The following SLC25A26 variants were observed in gnomAD, a reference collection of about 807,000 sequenced individuals.
The protein encoded by SLC25A26 is solute carrier family 25 member 26, also known as mitochondrial S-adenosylmethionine carrier protein.
SLC25A26 carries 36 observed loss-of-function variants against 37.8 expected under a neutral mutation model. The observed-to-expected ratio is 0.95, with a 90% CI of 0.73 to 1.26. SLC25A26 has a LOEUF of 1.26. SLC25A26 is among the 50% of genes most tolerant of loss of function. The pLI is 0.00. For missense variants in SLC25A26, 390 were observed against 331.1 expected (o/e 1.18, Z -1.38); for synonymous variants, 129 against 122.5 (o/e 1.05, Z -0.35).
At position 66,160,223 on chromosome 3, in the gene SLC25A26, C is replaced by A. The variant is rs576762474; in HGVS notation, c.-354+26239C>A. ...CAGGCTGGTCTCGAGCACCTGACCT[C>A]AGGTGATCTGCCTGCCTCAGCATGC... is the stretch of plus-strand genomic sequence containing the variant. On this transcript the variant is annotated intron_variant, in intron 1 of 10. Transcript: ENST00000676754. Among the ~76,000 whole-genome samples, 49 of 152,248 alleles carry A rather than the reference C, an allele frequency of 3.2e-4. 1 individual carries two copies. The South Asian group carries it at 9.5e-3, about 30-fold the overall frequency.
chr3:66,192,174 G>T (rs1231552421), intron 1 of SLC25A26, among the ~76,000 whole-genome samples: 1 of 151,896 alleles, frequency 6.6e-6, no homozygotes, highest in African/African-American at 2.4e-5. Flanking sequence ...AAATTAGCTG[G>T]GTGTGGTGGT....
At chr3:66,376,369 T>C (rs1301668799) in intron 9 of SLC25A26, among the ~76,000 whole-genome samples, 1 of 152,038 alleles carries the variant, frequency 6.6e-6, no homozygotes, top group Non-Finnish European at 1.5e-5. Context: ...AAATCTTTCA[T>C]GAAAAGAAGA....
At chr3:66,164,808 A>G (rs999782235) in intron 1 of SLC25A26, among the ~76,000 whole-genome samples, 1 of 152,178 alleles carries the variant, frequency 6.6e-6, no homozygotes, top group Non-Finnish European at 1.5e-5. Context: ...TAACACCTGC[A>G]CAAAATCAGG....
intron 5 of SLC25A26, among the ~76,000 whole-genome samples, chr3:66,327,059 C>T (rs567306764): frequency 5.3e-5 from 8 of 152,198 alleles, no homozygotes; most frequent in African/African-American, 9.7e-5. Flanking sequence ...GTCATTCACA[C>T]TACCCCCCTA....
intron 5 of SLC25A26, among the ~76,000 whole-genome samples, chr3:66,278,296 T>C (rs2074223723): frequency 6.6e-6 from 1 of 152,184 alleles, no homozygotes; most frequent in South Asian, 2.1e-4. Context: ...ATTTAAAATT[T>C]AATTTCTTTT....
At chr3:66,244,802 C>G (rs550656872) in intron 3 of SLC25A26, among the ~76,000 whole-genome samples, 28 of 151,684 alleles carry the variant, frequency 1.8e-4, no homozygotes, top group Admixed American at 1.4e-3. Flanking sequence ...GAAACCCCGT[C>G]TCTACTGAAA....
At chr3:66,212,403 A>G (rs2071296576) in intron 1 of SLC25A26, among the ~76,000 whole-genome samples, 2 of 152,120 alleles carry the variant, frequency 1.3e-5, no homozygotes, top group Non-Finnish European at 2.9e-5. Context: ...AATGCAAGCC[A>G]ATGTGCCAAT....
intron 5 of SLC25A26, among the ~76,000 whole-genome samples, chr3:66,275,923 T>A (rs1470698086): frequency 1.3e-5 from 2 of 152,138 alleles, no homozygotes; most frequent in Non-Finnish European, 2.9e-5. Context: ...TTACCCTTGA[T>A]GTTCTCATTA....
chr3:66,289,537 T>C (rs1387648558), intron 5 of SLC25A26, among the ~76,000 whole-genome samples: 1 of 152,140 alleles, frequency 6.6e-6, no homozygotes, highest in Non-Finnish European at 1.5e-5. Context: ...AGTTTTCTGC[T>C]TATGGCTAGC....
intron 9 of SLC25A26, among the ~76,000 whole-genome samples, chr3:66,377,065 G>C (rs1700701559): frequency 1.3e-5 from 2 of 152,232 alleles, no homozygotes; most frequent in Admixed American, 6.5e-5. Context: ...GGGAGGGGGG[G>C]CAGTTTTAAA....
intron 5 of SLC25A26, among the ~76,000 whole-genome samples, chr3:66,306,815 G>C (rs1379328752): frequency 6.6e-6 from 1 of 152,166 alleles, no homozygotes; most frequent in East Asian, 1.9e-4. Context: ...CTTCATCCAT[G>C]TCCCTGCAAA....
At chr3:66,158,820 G>A (rs1377772663) in intron 1 of SLC25A26, among the ~76,000 whole-genome samples, 1 of 152,186 alleles carries the variant, frequency 6.6e-6, no homozygotes, top group Non-Finnish European at 1.5e-5. Flanking sequence ...TTGGTCTTGA[G>A]TCTCAGAGAA....
At chr3:66,274,138 A>G (rs1306362332) in intron 5 of SLC25A26, among the ~76,000 whole-genome samples, 1 of 151,582 alleles carries the variant, frequency 6.6e-6, no homozygotes, top group African/African-American at 2.4e-5. Flanking sequence ...TGAGAAAAAC[A>G]AGCAATGGGG....
intron 5 of SLC25A26, among the ~76,000 whole-genome samples, chr3:66,320,836 T>C (rs1338061913): frequency 6.6e-6 from 1 of 152,222 alleles, no homozygotes; most frequent in African/African-American, 2.4e-5. Flanking sequence ...ATAATTTGTT[T>C]ATGAAATATT....
intron 1 of SLC25A26, among the ~76,000 whole-genome samples, chr3:66,213,068 G>T (rs1277468652): frequency 1.3e-5 from 2 of 151,842 alleles, no homozygotes; most frequent in Non-Finnish European, 2.9e-5. Context: ...AGGATAAAAC[G>T]TGACTAAGGA....
At chr3:66,154,230 T>C (rs993822163) in intron 1 of SLC25A26, among the ~76,000 whole-genome samples, 1 of 152,154 alleles carries the variant, frequency 6.6e-6, no homozygotes, top group Non-Finnish European at 1.5e-5. Context: ...TATACAGCAC[T>C]GCAGATAGAC....
At chr3:66,206,812 C>G (rs2071184581) in intron 1 of SLC25A26, among the ~76,000 whole-genome samples, 1 of 151,256 alleles carries the variant, frequency 6.6e-6, no homozygotes, top group Non-Finnish European at 1.5e-5. Context: ...CTCAAGCAAT[C>G]CTCCCATCCT....
intron 5 of SLC25A26, among the ~76,000 whole-genome samples, chr3:66,302,662 C>T (rs535692999): frequency 6.6e-6 from 1 of 152,262 alleles, no homozygotes; most frequent in Admixed American, 6.5e-5. Context: ...TAGTTAAAAT[C>T]AAGTATGCAT....
At chr3:66,137,856 GAC>G (rs1422790063) in intron 1 of SLC25A26, among the ~76,000 whole-genome samples, 1 of 151,548 alleles carries the variant, frequency 6.6e-6, no homozygotes, top group African/African-American at 2.4e-5. Context: ...TGTTTTTTGA[GAC>G]AGTGTCGCTC....
Sources: allele counts gnomAD v4.1 joint callset (sites outside exome capture counted in the v4.1 genomes callset), GRCh38; gene constraint gnomAD v4.1.1; transcripts MANE v1.5; gene names NCBI Gene and HGNC (gene_info 2026-07-23, HGNC 2026-07-21).